Variants in PLA2G5 observed in about 807,000 individuals in gnomAD.
PLA2G5 encodes the protein Ca2+-dependent phospholipase A2.
Under a neutral mutation model 15.9 loss-of-function variants are expected in PLA2G5, and 12 were observed. That is an observed-to-expected ratio of 0.76 (90% confidence interval 0.48 to 1.23). The LOEUF is 1.23. Ranked by LOEUF, PLA2G5 falls within the 50% of genes most tolerant of loss-of-function variation. The pLI is 0.00. For synonymous variants in PLA2G5, 71 were observed against 71.4 expected (o/e 0.99, Z 0.03); for missense variants, 169 against 177.1 (o/e 0.95, Z 0.26).
chr1:20,033,767 A>T (rs2013096289), intron 1 of PLA2G5, among the ~76,000 whole-genome samples: 1 of 152,048 alleles, frequency 6.6e-6, no homozygotes, highest in Non-Finnish European at 1.5e-5. Flanking sequence ...GGTCATTAAA[A>T]GGGCATTTTT....
upstream of PLA2G5, among the ~76,000 whole-genome samples, chr1:20,067,485 C>T (rs908512477): frequency 1.3e-5 from 2 of 151,656 alleles, no homozygotes; most frequent in East Asian, 2.0e-4. Flanking sequence ...CTCAGGAGTT[C>T]GAGACCAGCT....
intron 1 of PLA2G5, among the ~76,000 whole-genome samples, chr1:20,080,339 T>C (rs2015938649): frequency 6.6e-6 from 1 of 152,102 alleles, no homozygotes; most frequent in Non-Finnish European, 1.5e-5. Flanking sequence ...CCCAGCACTT[T>C]GGGAGTGTGA....
intron 1 of PLA2G5, among the ~76,000 whole-genome samples, chr1:20,032,945 C>T (rs2013043319): frequency 6.6e-6 from 1 of 152,166 alleles, no homozygotes; most frequent in Non-Finnish European, 1.5e-5. Context: ...GTGGTTCAGC[C>T]ACCTCCAGCA....
At chr1:20,034,861 C>T (rs79862393) in intron 1 of PLA2G5, among the ~76,000 whole-genome samples, 6,023 of 151,990 alleles carry the variant, frequency 0.04, 154 homozygotes, top group Non-Finnish European at 0.056. Context: ...TCTCACCCAG[C>T]GCTGGGATTT....
At chr1:20,063,741 A>G (rs905487855) in intron 2 of PLA2G5, 2 of 152,262 alleles carry the variant, frequency 1.3e-5, no homozygotes, top group African/African-American at 4.8e-5. Context: ...ATGGAGCTCA[A>G]TCATCCCAAT....
At chr1:20,050,993 G>A (rs540789947) in intron 1 of PLA2G5, among the ~76,000 whole-genome samples, 1 of 152,114 alleles carries the variant, frequency 6.6e-6, no homozygotes, top group Non-Finnish European at 1.5e-5. Context: ...ATATAAATAT[G>A]TTATTGGTAT....
At chr1:20,076,333 C>A (rs925094324) in intron 1 of PLA2G5, among the ~76,000 whole-genome samples, 1 of 152,114 alleles carries the variant, frequency 6.6e-6, no homozygotes, top group Non-Finnish European at 1.5e-5. Flanking sequence ...TTCCACTCAT[C>A]GGCAATTATT....
At chr1:20,067,381 GACTTAA>G (rs1459249158), upstream of PLA2G5, among the ~76,000 whole-genome samples, 1 of 152,014 alleles carries the variant, frequency 6.6e-6, no homozygotes, top group Non-Finnish European at 1.5e-5. Flanking sequence ...TATATATGAA[GACTTAA>G]AAAAAATTAC....
chr1:20,069,663 A>AAAAGAAAGAAAGAAAGAAAGAAAGAAAG (rs57068796), upstream of PLA2G5, among the ~76,000 whole-genome samples: 13 of 142,604 alleles, frequency 9.1e-5, no homozygotes, highest in African/African-American at 3.5e-4. Context: ...CTCAGCTCAG[A>AAAAGAAAGAAAGAAAGAAAGAAAGAAAG]AAAGAAAGAA....
In PLA2G5 at chr1:20,048,679, G is replaced by A. The variant is rs139551708; in HGVS notation, n.277-10953G>A. ...AGGTATGAACAAGAACAGCTTGGAG[G>A]TTTAAAAGCAAGATAGAGTCAGTTA... is the stretch of plus-strand genomic sequence containing the variant. On this transcript the variant is annotated intron_variant and non_coding_transcript_variant, in intron 1 of 6. Transcript: ENST00000460175. Among the ~76,000 whole-genome samples, 1,391 of 152,278 alleles carry A rather than the reference G, an allele frequency of 9.1e-3. 27 individuals are homozygous for A. Among genetic ancestry groups the A allele is most frequent in the African/African-American group, 0.032 (1,314 of 41,568 alleles).
intron 1 of PLA2G5, among the ~76,000 whole-genome samples, chr1:20,076,039 T>C (rs1337332203): frequency 6.6e-6 from 1 of 151,942 alleles, no homozygotes; most frequent in Non-Finnish European, 1.5e-5. Context: ...ACCCAGCTAA[T>C]TTTTGTACTT....
intron 1 of PLA2G5, among the ~76,000 whole-genome samples, chr1:20,044,079 A>T (rs968593919): frequency 6.6e-6 from 1 of 152,124 alleles, no homozygotes; most frequent in Non-Finnish European, 1.5e-5. Context: ...CCCTGCACAG[A>T]TGGGACACTG....
At chr1:20,056,579 T>C (rs2014445240) in intron 1 of PLA2G5, among the ~76,000 whole-genome samples, 2 of 152,150 alleles carry the variant, frequency 1.3e-5, no homozygotes, top group Non-Finnish European at 2.9e-5. Context: ...TTGGTTGTGG[T>C]GTGTAATTCT....
intron 1 of PLA2G5, among the ~76,000 whole-genome samples, chr1:20,071,379 G>A (rs2015366276): frequency 1.3e-5 from 2 of 152,280 alleles, no homozygotes; most frequent in Admixed American, 1.3e-4. Context: ...AGGATTCACA[G>A]TCTAGTTTGT....
At chr1:20,085,867 G>A (rs916018723) in intron 2 of PLA2G5, among the ~76,000 whole-genome samples, 1 of 152,206 alleles carries the variant, frequency 6.6e-6, no homozygotes, top group African/African-American at 2.4e-5. Flanking sequence ...GCAGAGCCAG[G>A]ATTTGAACCC....
At chr1:20,042,871 A>G (rs2013687889) in intron 1 of PLA2G5, among the ~76,000 whole-genome samples, 2 of 152,186 alleles carry the variant, frequency 1.3e-5, no homozygotes. Flanking sequence ...GAGATACGCA[A>G]TATTCTTTTG....
chr1:20,032,692 A>G (rs1398955080), intron 1 of PLA2G5, among the ~76,000 whole-genome samples: 1 of 152,168 alleles, frequency 6.6e-6, no homozygotes, highest in Non-Finnish European at 1.5e-5. Flanking sequence ...AGGTCCTGGA[A>G]CTTGGGCAAG....
chr1:20,057,651 A>C (rs1419695938), intron 1 of PLA2G5, among the ~76,000 whole-genome samples: 1 of 152,144 alleles, frequency 6.6e-6, no homozygotes, highest in Non-Finnish European at 1.5e-5. Context: ...GGCATGTGCC[A>C]CCACACCCAG....
At chr1:20,061,255 A>C (rs2315332) in intron 2 of PLA2G5, among the ~76,000 whole-genome samples, 127,695 of 152,004 alleles carry the variant, frequency 0.84, 53,675 homozygotes, top group East Asian at 0.93. Context: ...TCACATCCAC[A>C]CCACCCTGGC....
Sources: allele counts gnomAD v4.1 joint callset (sites outside exome capture counted in the v4.1 genomes callset), GRCh38; gene constraint gnomAD v4.1.1; transcripts MANE v1.5; gene names NCBI Gene and HGNC (gene_info 2026-07-23, HGNC 2026-07-21).